The following PEX5L variants were observed in gnomAD, a reference collection of about 807,000 sequenced individuals.
PEX5L encodes the protein PEX5-related protein.
Under a neutral mutation model 84.0 loss-of-function variants are expected in PEX5L, and 30 were observed. That is an observed-to-expected ratio of 0.36 (90% CI 0.27 to 0.48). The LOEUF (loss-of-function observed/expected upper bound fraction) is 0.48, where lower values mean the gene tolerates loss of function less well. Ranked by LOEUF, PEX5L falls within the 20% of genes least tolerant of loss-of-function variation. The probability of loss-of-function intolerance (pLI) is 0.99; values close to 1 mark genes in which losing one functional copy is unlikely to be tolerated. For missense variants in PEX5L, 533 were observed against 754.6 expected (o/e 0.71, Z 3.44); for synonymous variants, 270 against 283.1 (o/e 0.95, Z 0.46).
chr3:179,909,102 C>T (rs1246366794), intron 2 of PEX5L, among the ~76,000 whole-genome samples: 2 of 152,008 alleles, frequency 1.3e-5, no homozygotes. Flanking sequence ...CAATCTTTTG[C>T]TTGTATTCAT....
chr3:180,016,297 TAA>T (rs1371473211), intron 1 of PEX5L, among the ~76,000 whole-genome samples: 1 of 152,226 alleles, frequency 6.6e-6, no homozygotes, highest in East Asian at 1.9e-4. Flanking sequence ...CTCTAATGTT[TAA>T]GTTAGCCTCC....
At chr3:179,966,258 T>C (rs967273578) in intron 2 of PEX5L, among the ~76,000 whole-genome samples, 1 of 152,150 alleles carries the variant, frequency 6.6e-6, no homozygotes, top group Non-Finnish European at 1.5e-5. Flanking sequence ...TGGTCTCCTT[T>C]CTGCAACTCT....
intron 1 of PEX5L, among the ~76,000 whole-genome samples, chr3:180,020,144 T>G (rs904653143): frequency 6.6e-6 from 1 of 152,182 alleles, no homozygotes; most frequent in African/African-American, 2.4e-5. Context: ...AATAACGCCA[T>G]GATATTCATT....
chr3:179,970,027 G>A (rs1423143996), intron 2 of PEX5L, among the ~76,000 whole-genome samples: 2 of 151,842 alleles, frequency 1.3e-5, no homozygotes, highest in Non-Finnish European at 2.9e-5. Flanking sequence ...TCACCACAAG[G>A]ATCTCAAAAT....
At chr3:179,943,200 T>C (rs1424234828) in intron 2 of PEX5L, among the ~76,000 whole-genome samples, 1 of 152,256 alleles carries the variant, frequency 6.6e-6, no homozygotes, top group Non-Finnish European at 1.5e-5. Context: ...CAAGCAAGCA[T>C]CTTTATATTA....
At chr3:179,958,973 G>A (rs764670680) in intron 2 of PEX5L, among the ~76,000 whole-genome samples, 1 of 151,778 alleles carries the variant, frequency 6.6e-6, no homozygotes, top group Non-Finnish European at 1.5e-5. Context: ...CTTACAGTGA[G>A]CCGAGATCGC....
chr3:179,895,156 T>C (rs1301112879), intron 3 of PEX5L, among the ~76,000 whole-genome samples: 1 of 152,152 alleles, frequency 6.6e-6, no homozygotes, highest in African/African-American at 2.4e-5. Context: ...AAATAAGATA[T>C]TTGATTTAGC....
chr3:179,898,519 A>C lies in PEX5L; in HGVS notation c.94-273T>G, dbSNP rs569068774. On this transcript the variant is annotated intron_variant, in intron 2 of 14. Transcript: ENST00000467460. ...TTATATGTATAATATGTTTTAAGGA[A>C]ATTAACATGACATGAATTTTTTGTA... 3.1e-4 allele frequency among the ~76,000 whole-genome samples: 47 copies of C among 152,218 alleles called. 1 individual carries two copies. The highest frequency in any genetic ancestry group is 6.5e-4 in the Admixed American group (10 of 15,274).
intron 1 of PEX5L, among the ~76,000 whole-genome samples, chr3:180,031,045 A>T (rs1791410782): frequency 6.6e-6 from 1 of 151,850 alleles, no homozygotes; most frequent in Non-Finnish European, 1.5e-5. Flanking sequence ...TGATCCATTT[A>T]GTGAAATCTT....
intron 2 of PEX5L, among the ~76,000 whole-genome samples, chr3:179,934,713 G>A (rs369381745): frequency 2.0e-4 from 30 of 152,118 alleles, no homozygotes; most frequent in African/African-American, 5.5e-4. Flanking sequence ...TCCCTATGCC[G>A]TTTATTACTC....
intron 1 of PEX5L, among the ~76,000 whole-genome samples, chr3:180,018,422 G>A (rs551457841): frequency 6.6e-6 from 1 of 152,292 alleles, no homozygotes; most frequent in South Asian, 2.1e-4. Flanking sequence ...ACCGGCTGAT[G>A]ACAAGTAACT....
At chr3:179,897,988 T>C (rs1380975119) in intron 3 of PEX5L, among the ~76,000 whole-genome samples, 154 bp downstream of exon 3, 1 of 152,198 alleles carries the variant, frequency 6.6e-6, no homozygotes, top group Non-Finnish European at 1.5e-5. Flanking sequence ...TTAGCAATTT[T>C]GGTTTTCATC....
intron 2 of PEX5L, among the ~76,000 whole-genome samples, chr3:179,912,531 A>T (rs1765543475): frequency 6.6e-6 from 1 of 152,120 alleles, no homozygotes; most frequent in African/African-American, 2.4e-5. Context: ...CTATTTATTT[A>T]AATTAAACTT....
chr3:180,001,822 A>T (rs1364976541), intron 1 of PEX5L, among the ~76,000 whole-genome samples: 1 of 152,142 alleles, frequency 6.6e-6, no homozygotes, highest in Non-Finnish European at 1.5e-5. Flanking sequence ...CATTTACATC[A>T]TCAAATACAC....
intron 2 of PEX5L, among the ~76,000 whole-genome samples, chr3:179,956,602 T>C (rs1372820622): frequency 3.3e-5 from 5 of 152,098 alleles, no homozygotes; most frequent in Non-Finnish European, 5.9e-5. Context: ...GCTGTAAAAA[T>C]ATTTAGTTAG....
chr3:179,953,602 G>C (rs1779694363), intron 2 of PEX5L, among the ~76,000 whole-genome samples: 1 of 152,156 alleles, frequency 6.6e-6, no homozygotes, highest in African/African-American at 2.4e-5. Context: ...TTGAGAAGCA[G>C]GAGGGCTGTA....
At chr3:179,877,847 G>T (rs1387673834) in intron 5 of PEX5L, among the ~76,000 whole-genome samples, 1 of 152,068 alleles carries the variant, frequency 6.6e-6, no homozygotes, top group Non-Finnish European at 1.5e-5. Context: ...AAATAGTAGA[G>T]ATAGTTATAA....
intron 3 of PEX5L, among the ~76,000 whole-genome samples, chr3:179,892,353 A>T (rs1268449223): frequency 1.3e-5 from 2 of 152,250 alleles, no homozygotes; most frequent in Admixed American, 6.5e-5. Context: ...CCAACCATTG[A>T]GTGCCTCTTT....
chr3:179,807,752 C>T lies in PEX5L; in HGVS notation c.1598G>A (p.Arg533Gln). Residue 533 changes from arginine (R) to glutamine (Q), a missense_variant, in exon 14 of 15, where the codon CGA becomes CAA. Around this residue, in one of 8 missense-constraint regions of PEX5L, gnomAD observed 105 missense variants for 204.6 expected, o/e 0.51. Coordinates refer to ENST00000467460, the MANE Select transcript of PEX5L (RefSeq NM_016559.3). ...GAATCCTGGCTGAATCTCCAGTGCT[C>T]GCGTATAGGCCTCCACGGCTTCCTC... ...RSEEAVEAYT[R>Q]ALEIQPGFIR... 2 of 1,614,122 alleles carry T rather than the reference C, an allele frequency of 1.2e-6. No homozygotes were observed. The highest frequency in any genetic ancestry group is 1.7e-6 in the Non-Finnish European group (2 of 1,180,006).
Sources: gnomAD v4.1 joint callset for allele counts (sites outside exome capture counted in the v4.1 genomes callset) on GRCh38, gnomAD v4.1.1 for gene constraint, gnomAD v4.1.1 regional missense constraint, MANE v1.5 for transcripts, NCBI Gene and HGNC (gene_info 2026-07-23, HGNC 2026-07-21) for gene names.